LAMA2: variants seen among roughly 807,000 people sequenced by gnomAD.
LAMA2 encodes laminin subunit alpha-2.
Under a neutral mutation model 364.8 loss-of-function variants are expected in LAMA2, and 269 were observed. That is an observed-to-expected ratio of 0.74 (90% CI 0.67 to 0.82). LAMA2 has a LOEUF of 0.82. Among genes scored for constraint, LAMA2 ranks in the 40% least tolerant of loss-of-function variants. The pLI is 0.00. For missense variants in LAMA2, 3,807 were observed against 3,873.2 expected, an observed-to-expected ratio of 0.98 and a Z score of 0.45; for synonymous variants, 1,379 against 1,370.6, an observed-to-expected ratio of 1.01 and a Z score of -0.14.
At chr6:129,176,405 G>A (rs1780592307) in intron 9 of LAMA2, among the ~76,000 whole-genome samples, 1 of 151,706 alleles carries the variant, frequency 6.6e-6, no homozygotes, top group South Asian at 2.1e-4. Context: ...ACAAACTATG[G>A]TAAATATTTA....
rs1180309541 is a variant in LAMA2 at position 129,316,068 on chromosome 6, C to T, written c.3955C>T (p.Arg1319Ter). The T allele has an allele frequency of 1.9e-6, 3 of 1,613,666 alleles. No individual in the cohort carries two copies. Among genetic ancestry groups the T allele is most frequent in the African/African-American group, 1.3e-5 (1 of 75,004 alleles). ...KEWKYYGDDP[R>*]VHRTVTREDF... ...ATGGAAATATTATGGGGATGATCCT[C>T]GAGTCCATAGAACTGTGACCCGAGA... The change falls in exon 27 of 65, where the codon CGA (arginine) becomes TGA (stop). Residue 1319 changes from arginine (R) to a stop codon, truncating the protein, a stop_gained. Transcript: ENST00000421865. LOFTEE classifies it high-confidence loss of function.
intron 17 of LAMA2, among the ~76,000 whole-genome samples, chr6:129,275,724 TAA>T (rs5879937): frequency 0.012 from 1,671 of 144,346 alleles, 14 homozygotes; most frequent in African/African-American, 0.014. Context: ...TAAAAATTTG[TAA>T]AAAAAAAAAA....
At chr6:129,175,998 T>C (rs1268627991) in intron 9 of LAMA2, among the ~76,000 whole-genome samples, 1 of 152,072 alleles carries the variant, frequency 6.6e-6, no homozygotes, top group Non-Finnish European at 1.5e-5. Context: ...TATTTTCTCT[T>C]TTTTATACTT....
intron 34 of LAMA2, among the ~76,000 whole-genome samples, chr6:129,373,499 C>A (rs1029075520): frequency 6.6e-6 from 1 of 152,042 alleles, no homozygotes; most frequent in Non-Finnish European, 1.5e-5. Context: ...TATACATGAG[C>A]TAATAATATT....
intron 41 of LAMA2, among the ~76,000 whole-genome samples, chr6:129,438,063 A>C (rs1781921790): frequency 6.6e-6 from 1 of 151,672 alleles, no homozygotes; most frequent in Non-Finnish European, 1.5e-5. Context: ...AACTATATAA[A>C]ATTTATTGGA....
At chr6:129,320,450 G>A (rs1774893887) in intron 27 of LAMA2, 88 bp from the exon 28 acceptor site, 3 of 829,258 alleles carry the variant, frequency 3.6e-6, no homozygotes, top group Admixed American at 3.4e-5. Flanking sequence ...ACAAAAACGT[G>A]AGAAGGATAT....
intron 45 of LAMA2, among the ~76,000 whole-genome samples, chr6:129,447,099 T>C (rs1055740654): frequency 6.6e-6 from 1 of 152,210 alleles, no homozygotes; most frequent in Non-Finnish European, 1.5e-5. Context: ...TTAGCCAACA[T>C]GGAAAAAGCC....
intron 31 of LAMA2, among the ~76,000 whole-genome samples, chr6:129,351,885 C>G (rs2114590139): frequency 6.6e-6 from 1 of 152,222 alleles, no homozygotes; most frequent in East Asian, 1.9e-4. Context: ...TGTATAAAAG[C>G]CTAATGTCAC....
intron 19 of LAMA2, among the ~76,000 whole-genome samples, chr6:129,289,849 C>A (rs1789570324): frequency 2.6e-5 from 4 of 152,082 alleles, no homozygotes; most frequent in African/African-American, 9.7e-5. Flanking sequence ...TTTTAATGCT[C>A]TTTGCCATAT....
chr6:129,229,840 G>C (rs572100521), intron 12 of LAMA2, among the ~76,000 whole-genome samples: 36 of 152,234 alleles, frequency 2.4e-4, no homozygotes, highest in Admixed American at 1.0e-3. Flanking sequence ...ATTTAGATGG[G>C]GAAGACTGTG....
At chr6:129,220,654 C>T (rs1783762227) in intron 12 of LAMA2, among the ~76,000 whole-genome samples, 1 of 152,130 alleles carries the variant, frequency 6.6e-6, no homozygotes, top group South Asian at 2.1e-4. Flanking sequence ...GTTAAAATGT[C>T]ATACTTTCCA....
chr6:128,975,851 T>C (rs911939700), intron 1 of LAMA2, among the ~76,000 whole-genome samples: 4 of 152,190 alleles, frequency 2.6e-5, no homozygotes, highest in Admixed American at 6.5e-5. Context: ...TAAATTACCC[T>C]GTCTTGGGTA....
Position 129,143,976 on chromosome 6 carries a change from C to A in LAMA2, c.715C>A (p.Arg239Ser). The A allele has an allele frequency of 6.2e-7, 1 of 1,612,160 alleles. No homozygotes were observed. The change falls in exon 5 of 65, where the codon CGC becomes AGC. Residue 239 changes from arginine to serine, a missense_variant. Arg to Ser is a moderately radical substitution (Grantham distance 110). Coordinates refer to ENST00000421865, the MANE Select transcript of LAMA2 (RefSeq NM_000426.4). ...AGAACTGCTAGAATTTACCTCCGCT[C>A]GCTATATTCGCCTGAGATTTCAGAG... ...SPELLEFTSA[R>S]YIRLRFQRIR... is the part of the protein sequence containing the mutation.
chr6:129,069,624 T>C (rs904864501), intron 3 of LAMA2, among the ~76,000 whole-genome samples: 68 of 148,904 alleles, frequency 4.6e-4, no homozygotes, highest in African/African-American at 1.6e-3. Flanking sequence ...AGAGGGAAGA[T>C]AATGACTGGG....
intron 1 of LAMA2, among the ~76,000 whole-genome samples, chr6:128,953,075 G>T (rs558795309): frequency 4.3e-4 from 66 of 152,268 alleles, no homozygotes; most frequent in African/African-American, 1.5e-3. Context: ...TGTTGGCCTT[G>T]CATGGGTGAT....
intron 9 of LAMA2, among the ~76,000 whole-genome samples, chr6:129,172,406 A>C (rs772178898): frequency 4.4e-4 from 67 of 152,192 alleles, no homozygotes; most frequent in Non-Finnish European, 9.0e-4. Flanking sequence ...CAGGAACCTC[A>C]GCTGCAGGTC....
intron 12 of LAMA2, among the ~76,000 whole-genome samples, chr6:129,244,868 T>C (rs1359101495): frequency 1.3e-5 from 2 of 152,176 alleles, no homozygotes; most frequent in South Asian, 2.1e-4. Context: ...ATGTGCACCA[T>C]GCACACTGTA....
chr6:129,048,873 C>T (rs1787793379), intron 1 of LAMA2, among the ~76,000 whole-genome samples: 1 of 151,946 alleles, frequency 6.6e-6, no homozygotes, highest in Non-Finnish European at 1.5e-5. Flanking sequence ...CCTCAGCCTC[C>T]CAAAGTGCTG....
chr6:128,973,453 G>A (rs1044536817), intron 1 of LAMA2, among the ~76,000 whole-genome samples: 20 of 152,164 alleles, frequency 1.3e-4, no homozygotes, highest in Non-Finnish European at 2.2e-4. Context: ...GATTTAAAAT[G>A]TATTATTTTG....
Sources: allele counts gnomAD v4.1 joint callset (sites outside exome capture counted in the v4.1 genomes callset), GRCh38; gene constraint gnomAD v4.1.1; transcripts MANE v1.5; gene names NCBI Gene and HGNC (gene_info 2026-07-23, HGNC 2026-07-21).